The following SLC35D4 variants were observed in gnomAD, a reference collection of about 807,000 sequenced individuals.
SLC35D4 encodes the protein solute carrier family 35 member D4.
chr18:23,427,552 C>T, the SLC35D4 span, among the ~76,000 whole-genome samples: 1 of 152,116 alleles, frequency 6.6e-6, no homozygotes, highest in East Asian at 1.9e-4. Context: ...GAAATAGGAA[C>T]ACTTTTACAC....
chr18:23,273,457 G>C, the SLC35D4 span, among the ~76,000 whole-genome samples: 1 of 152,102 alleles, frequency 6.6e-6, no homozygotes, highest in Non-Finnish European at 1.5e-5. Flanking sequence ...AAAAGAGAAA[G>C]GGAGTTTGAA....
chr18:23,329,362 A>G, the SLC35D4 span, among the ~76,000 whole-genome samples: 1 of 152,216 alleles, frequency 6.6e-6, no homozygotes, highest in Non-Finnish European at 1.5e-5. Context: ...ATTTACAAGA[A>G]AAAAACAAAC....
the SLC35D4 span, among the ~76,000 whole-genome samples, chr18:23,418,465 T>C: frequency 6.6e-6 from 1 of 150,468 alleles, no homozygotes; most frequent in Non-Finnish European, 1.5e-5. Context: ...TCTGCCTCCC[T>C]GGCTCAAGCA....
the SLC35D4 span, among the ~76,000 whole-genome samples, chr18:23,328,004 C>T: frequency 8.5e-3 from 1,289 of 152,264 alleles, 15 homozygotes; most frequent in African/African-American, 0.03. Context: ...AATTCAACAA[C>T]GCTTCATGCT....
the SLC35D4 span, among the ~76,000 whole-genome samples, chr18:23,393,552 G>A: frequency 6.6e-6 from 1 of 152,116 alleles, no homozygotes; most frequent in Admixed American, 6.5e-5. Context: ...TGTTCTCAAG[G>A]TTCATCCATG....
the SLC35D4 span, chr18:23,430,623 A>G: frequency 2.7e-5 from 44 of 1,605,724 alleles, no homozygotes; most frequent in Middle Eastern, 6.6e-4. Context: ...AGCAAAGAAG[A>G]TACTCACCCT....
At chr18:23,277,472 G>A in the SLC35D4 span, among the ~76,000 whole-genome samples, 4 of 152,172 alleles carry the variant, frequency 2.6e-5, no homozygotes, top group East Asian at 5.8e-4. Context: ...TCTTGGGTAT[G>A]TCTTTATCAG....
At chr18:23,249,324 G>A in the SLC35D4 span, among the ~76,000 whole-genome samples, 43 of 152,350 alleles carry the variant, frequency 2.8e-4, no homozygotes, top group African/African-American at 1.0e-3. Flanking sequence ...GAGTAGAATG[G>A]AGGCGAGTCC....
At chr18:23,421,511 G>A in the SLC35D4 span, 1 of 1,435,962 alleles carries the variant, frequency 7.0e-7, no homozygotes, top group East Asian at 2.3e-5. Context: ...TCCAGCCCCA[G>A]CAGATCTGCT....
At chr18:23,320,642 C>G in the SLC35D4 span, among the ~76,000 whole-genome samples, 1 of 152,220 alleles carries the variant, frequency 6.6e-6, no homozygotes, top group East Asian at 1.9e-4. Context: ...GGGTGATGAG[C>G]TCAACCCAAC....
At chr18:23,382,280 G>GA in the SLC35D4 span, among the ~76,000 whole-genome samples, 1 of 150,294 alleles carries the variant, frequency 6.7e-6, no homozygotes, top group African/African-American at 2.4e-5. Context: ...TCCCTTTGGA[G>GA]AATATGAGTT....
the SLC35D4 span, among the ~76,000 whole-genome samples, chr18:23,283,132 T>A: frequency 1.3e-5 from 2 of 152,164 alleles, no homozygotes; most frequent in African/African-American, 4.8e-5. Flanking sequence ...CAAGAGGGTG[T>A]TCTTGGACAT....
chr18:23,266,165 G>C, the SLC35D4 span, among the ~76,000 whole-genome samples: 2 of 152,060 alleles, frequency 1.3e-5, no homozygotes, highest in Admixed American at 6.5e-5. Context: ...GGGAGCCCAG[G>C]GGCAGCTGAC....
chr18:23,423,633 GA>G, the SLC35D4 span, among the ~76,000 whole-genome samples: 1 of 152,182 alleles, frequency 6.6e-6, no homozygotes, highest in Non-Finnish European at 1.5e-5. Context: ...ATAATTACAA[GA>G]AACTGTGTGA....
the SLC35D4 span, among the ~76,000 whole-genome samples, chr18:23,354,002 A>G: frequency 6.6e-6 from 1 of 152,220 alleles, no homozygotes; most frequent in Non-Finnish European, 1.5e-5. Flanking sequence ...CCAGGTCTCC[A>G]TGGCTCTTCA....
chr18:23,244,214 C>T, the SLC35D4 span, among the ~76,000 whole-genome samples: 1 of 152,236 alleles, frequency 6.6e-6, no homozygotes, highest in Non-Finnish European at 1.5e-5. Flanking sequence ...GGAGACACTA[C>T]TCCAGGAGTC....
the SLC35D4 span, among the ~76,000 whole-genome samples, chr18:23,247,329 A>G: frequency 2.0e-5 from 3 of 152,206 alleles, no homozygotes; most frequent in African/African-American, 7.2e-5. Context: ...TCCCCTCTGG[A>G]ACCTGCCTGG....
chr18:23,368,811 A>G, the SLC35D4 span: 1 of 1,098,700 alleles, frequency 9.1e-7, no homozygotes, highest in Non-Finnish European at 1.3e-6. Context: ...AAATACATAA[A>G]ATAATCATTG....
the SLC35D4 span, among the ~76,000 whole-genome samples, chr18:23,420,584 C>T: frequency 1.3e-5 from 2 of 151,898 alleles, no homozygotes; most frequent in African/African-American, 4.8e-5. Flanking sequence ...CTATGTTGTC[C>T]AGGCTGGTCT....
Sources: allele counts gnomAD v4.1 joint callset (sites outside exome capture counted in the v4.1 genomes callset), GRCh38; gene constraint gnomAD v4.1.1; transcripts MANE v1.5; gene names NCBI Gene and HGNC (gene_info 2026-07-23, HGNC 2026-07-21).